The following GALT variants were observed in gnomAD, a reference collection of about 807,000 sequenced individuals.
GALT encodes UDP-glucose--hexose-1-phosphate uridylyltransferase.
A neutral mutation model predicts 55.4 loss-of-function variants in GALT; 42 were observed. The ratio of observed to expected loss-of-function variants is 0.76; its 90% CI spans 0.59 to 0.98. The LOEUF (loss-of-function observed/expected upper bound fraction) is 0.98, where lower values mean the gene tolerates loss of function less well. Ranked by LOEUF, GALT falls within the 50% of genes least tolerant of loss-of-function variation. The pLI is 0.00. For synonymous variants in GALT, 154 were observed against 181.5 expected (o/e 0.85, Z 1.22); for missense variants, 407 against 495.7 (o/e 0.82, Z 1.70).
intron 10 of GALT, 159 bp from the exon 11 acceptor site, chr9:34,650,210 T>G: frequency 1.6e-6 from 1 of 628,708 alleles, no homozygotes; most frequent in South Asian, 1.8e-5. Flanking sequence ...GGCCCAGGAG[T>G]TTGAGGCTGC....
At chr9:34,650,003 G>A (rs748981565) in intron 10 of GALT, 15 of 308,544 alleles carry the variant, frequency 4.9e-5, no homozygotes, top group Admixed American at 1.4e-4. Flanking sequence ...ACCATCGGCC[G>A]GGTGTGGTGG....
rs1271637601 is a variant in GALT at position 34,650,639 on chromosome 9, T to C, written c.*190T>C. On this transcript the variant is annotated 3_prime_UTR_variant, in exon 11 of 11. Transcript: ENST00000378842. ...CCTTCAGAGATCTAGGGTTAAAAGC[T>C]AAAGGCATAGCTCCAGCTACAACTT... 4 of 595,120 alleles carry C rather than the reference T, an allele frequency of 6.7e-6. No individual in the cohort carries two copies. In the East Asian group the frequency reaches 1.1e-4, roughly 17 times the overall value. The allele number at this position is 595,120 out of a possible 1,614,324, so 36.9% of individuals were successfully genotyped here. A position where few individuals can be genotyped will look rare whatever the true frequency, so the allele number is the denominator to read the frequency against.
At position 34,648,370 on chromosome 9, in the gene GALT, C is replaced by T. The variant is rs111033739; in HGVS notation, c.601C>T (p.Arg201Cys). ...CAGTTTCCTGCCAGATATTGCCCAG[C>T]GTGAGGAGCGATCTCAGCAGGCCTA... ...ASSFLPDIAQ[R>C]EERSQQAYKS... The change falls in exon 7 of 11, where the codon CGT becomes TGT. Residue 201 changes from arginine to cysteine, a missense_variant. Coordinates refer to ENST00000378842, the MANE Select transcript of GALT (RefSeq NM_000155.4). This position sits in a 1 kb window ranked among gnomAD's most constrained non-coding sequence, Gnocchi z 4.9. The T allele has an allele frequency of 8.1e-6, 13 of 1,614,168 alleles. No homozygotes were observed. Among genetic ancestry groups the T allele is most frequent in the East Asian group, 4.5e-5 (2 of 44,878 alleles).
At chr9:34,649,128 G>A (rs1436269435) in intron 9 of GALT, 47 bp downstream of exon 9, 3 of 1,563,802 alleles carry the variant, frequency 1.9e-6, no homozygotes, top group Non-Finnish European at 1.8e-6. Flanking sequence ...CCATTTCTGG[G>A]CTCCTGGGGC....
In GALT at chr9:34,647,025, G is replaced by A; in HGVS notation, c.83-64G>A. 6.8e-6 allele frequency: 11 copies of A among 1,611,746 alleles called. No individual in the cohort carries two copies. Among genetic ancestry groups the A allele is most frequent in the Non-Finnish European group, 9.3e-6 (11 of 1,178,672 alleles). Reference sequence around the variant, plus strand: ...GCTCCCGAGCTTGGGCCTGCTGGTGGGTGAGACCCAGGAGAGAGGGAGCTA... The same window carrying A: ...GCTCCCGAGCTTGGGCCTGCTGGTGAGTGAGACCCAGGAGAGAGGGAGCTA... On this transcript the variant is annotated intron_variant, in intron 1 of 10. Transcript: ENST00000378842. The surrounding 1 kb of genome is among the most constrained non-coding windows in gnomAD (Gnocchi z 5.6).
At position 34,647,424 on chromosome 9, in the gene GALT, T is replaced by G. The variant is rs771530512; in HGVS notation, c.253-68T>G. The G allele has an allele frequency of 1.9e-6, 3 of 1,589,392 alleles. No individual in the cohort carries two copies. In the Admixed American group the frequency reaches 5.0e-5, roughly 26 times the overall value. On this transcript the variant is annotated intron_variant, in intron 2 of 10. Coordinates refer to ENST00000378842, the MANE Select transcript of GALT (RefSeq NM_000155.4). The surrounding 1 kb of genome is among the most constrained non-coding windows in gnomAD (Gnocchi z 5.6). ...CCCTACTCCCTTGTAGCCTGTCCAG[T>G]CTTTGAAGCCCACCAGGTAACTGGT...
chr9:34,648,288 G>A lies in GALT; in HGVS notation c.565-46G>A, dbSNP rs750603435. 1.2e-6 allele frequency: 2 copies of A among 1,613,908 alleles called. No homozygotes were observed. The highest frequency in any genetic ancestry group is 3.3e-5 in the Admixed American group (2 of 60,022). Reference sequence around the variant, plus strand: ...AATATGCCAATGATGTGGAGGCTTGGAGGTAAAGGACCTGCCTGTTCTTCT... The same window carrying A: ...AATATGCCAATGATGTGGAGGCTTGAAGGTAAAGGACCTGCCTGTTCTTCT... On this transcript the variant is annotated intron_variant, in intron 6 of 10. Transcript: ENST00000378842. This position sits in a 1 kb window ranked among gnomAD's most constrained non-coding sequence, Gnocchi z 4.9.
In GALT at chr9:34,650,476, CT is replaced by C; in HGVS notation, c.*33del. 1 of 1,609,058 alleles carries C rather than the reference CT, an allele frequency of 6.2e-7. No homozygotes were observed. Among genetic ancestry groups the C allele is most frequent in the Non-Finnish European group, 8.5e-7 (1 of 1,175,694 alleles). On this transcript the variant is annotated 3_prime_UTR_variant, in exon 11 of 11. Transcript: ENST00000378842. The stretch of plus-strand genomic sequence containing the variant: ...CACGCCGACCACAGGGCCTTGAATC[CT>C]TTTTTGTTTTCAACAGTCTTGCTGA...
At position 34,649,021 on chromosome 9, in the gene GALT, C is replaced by G. The variant is rs111033772; in HGVS notation, c.844C>G (p.Leu282Val). ...AGATCTAGCCTCCATCATGAAGAAG[C>G]TCTTGACCAAGTATGACAACCTCTT... ...RDDLASIMKKLLTKYDNLFET... is the reference protein window; with the variant it reads ...RDDLASIMKKVLTKYDNLFET... Residue 282 changes from leucine to valine, a missense_variant, in exon 9 of 11, where the codon CTC becomes GTC. Transcript: ENST00000378842. The G allele has an allele frequency of 2.5e-6, 4 of 1,614,198 alleles. No individual in the cohort carries two copies. Among genetic ancestry groups the G allele is most frequent in the Non-Finnish European group, 3.4e-6 (4 of 1,180,030 alleles).
chr9:34,650,282 CA>C (rs56121779), intron 10 of GALT, 86 bp from the exon 11 acceptor site: 3,136 of 573,456 alleles, frequency 5.5e-3, no homozygotes, highest in Admixed American at 7.2e-3. Flanking sequence ...GACCTCGTCT[CA>C]AAAAAAAAAA....
chr9:34,649,501 C>T lies in GALT; in HGVS notation c.996C>T (p.Val332=). The change falls in exon 10 of 11, where the codon GTC becomes GTT. Residue 332 remains valine (V), a synonymous_variant. Transcript: ENST00000378842. The stretch of plus-strand genomic sequence containing the variant: ...CTCCGCTCCTGCGCTCTGCCACTGT[C>T]CGGAAATTCATGGTTGGCTACGAAA... ...YYPPLLRSAT[V]RKFMVGYEML... 6.2e-7 allele frequency: 1 copy of T among 1,614,184 alleles called. No individual in the cohort carries two copies. Among genetic ancestry groups the T allele is most frequent in the Non-Finnish European group, 8.5e-7 (1 of 1,180,030 alleles).
Position 34,647,207 on chromosome 9 carries a change from C to T in GALT, c.201C>T (p.Arg67=). 1 of 1,614,180 alleles carries T rather than the reference C, an allele frequency of 6.2e-7. No individual in the cohort carries two copies. Among genetic ancestry groups the T allele is most frequent in the Non-Finnish European group, 8.5e-7 (1 of 1,180,028 alleles). ...CCCAGCTTCTGAAGACAGTGCCCCG[C>T]CATGACCCTCTCAACCCTCTGTGTC... ...VEPQLLKTVP[R]HDPLNPLCPG... The change falls in exon 2 of 11, where the codon CGC becomes CGT. Residue 67 remains arginine, a synonymous_variant. Transcript: ENST00000378842. The surrounding 1 kb of genome is among the most constrained non-coding windows in gnomAD (Gnocchi z 5.6).
At position 34,648,012 on chromosome 9, in the gene GALT, C is replaced by T. The variant is rs768496925; in HGVS notation, c.507+51C>T. 6.2e-7 allele frequency: 1 copy of T among 1,614,162 alleles called. No homozygotes were observed. The highest frequency in any genetic ancestry group is 8.5e-7 in the Non-Finnish European group (1 of 1,180,022). ...GATGGGCAGGGAGGGGGTGATGAAG[C>T]TTTGGTTCTGGGGAGTAACATTTCT... On this transcript the variant is annotated intron_variant, in intron 5 of 10. Transcript: ENST00000378842. The surrounding 1 kb of genome is among the most constrained non-coding windows in gnomAD (Gnocchi z 4.9).
intron 9 of GALT, 117 bp from the exon 10 acceptor site, chr9:34,649,293 A>G: frequency 1.4e-6 from 2 of 1,430,918 alleles, no homozygotes; most frequent in East Asian, 2.3e-5. Context: ...GCTCTTCTCA[A>G]GCAGGGGATC....
In GALT at chr9:34,647,227, T is replaced by G. The variant is rs111033663; in HGVS notation, c.221T>G (p.Leu74Arg). The change falls in exon 2 of 11, where the codon CTG becomes CGG. Residue 74 changes from leucine to arginine, a missense_variant. Leu to Arg is a moderately radical substitution (Grantham distance 102, BLOSUM62 -2). Coordinates refer to ENST00000378842, the MANE Select transcript of GALT (RefSeq NM_000155.4). This position sits in a 1 kb window ranked among gnomAD's most constrained non-coding sequence, Gnocchi z 5.6. ...CCCCGCCATGACCCTCTCAACCCTC[T>G]GTGTCCTGGGGCCATCCGAGCCAAC... ...TVPRHDPLNP[L>R]CPGAIRANGE... 1 of 1,614,132 alleles carries G rather than the reference T, an allele frequency of 6.2e-7. No homozygotes were observed. Among genetic ancestry groups the G allele is most frequent in the South Asian group, 1.1e-5 (1 of 91,090 alleles).
Position 34,647,606 on chromosome 9 carries a change from T to A in GALT, c.328+39T>A. The A allele has an allele frequency of 6.2e-7, 1 of 1,614,082 alleles. No individual in the cohort carries two copies. The highest frequency in any genetic ancestry group is 1.1e-5 in the South Asian group (1 of 91,076). ...AACTGCTGCTGGGGAGGAGGGTGGC[T>A]AGACCTCTTGAGGGACTTCTGCTGC... is the stretch of plus-strand genomic sequence containing the variant. On this transcript the variant is annotated intron_variant, in intron 3 of 10. Transcript: ENST00000378842. The surrounding 1 kb of genome is among the most constrained non-coding windows in gnomAD (Gnocchi z 5.6).
chr9:34,649,105 T>C (rs768748399), intron 9 of GALT, 24 bp downstream of exon 9: 1 of 1,604,814 alleles, frequency 6.2e-7, no homozygotes, highest in South Asian at 1.1e-5. Context: ...AGTACCTATA[T>C]TTAGCCCCAA....
Position 34,648,466 on chromosome 9 carries a change from A to G in GALT, c.687+10A>G. ...GGAGCTACTCAGGAAGGTGGGAGAG[A>G]GCCAAGCCCTGTGTCCCCAAGGAGT... is the stretch of plus-strand genomic sequence containing the variant. On this transcript the variant is annotated intron_variant, in intron 7 of 10. Coordinates refer to ENST00000378842, the MANE Select transcript of GALT (RefSeq NM_000155.4). The surrounding 1 kb of genome is among the most constrained non-coding windows in gnomAD (Gnocchi z 4.9). The G allele has an allele frequency of 6.2e-7, 1 of 1,614,136 alleles. No individual in the cohort carries two copies. Among genetic ancestry groups the G allele is most frequent in the Non-Finnish European group, 8.5e-7 (1 of 1,180,022 alleles).
Position 34,650,530 on chromosome 9 carries a change from G to A in GALT, c.*81G>A. On this transcript the variant is annotated 3_prime_UTR_variant, in exon 11 of 11. Transcript: ENST00000378842. ...TAAGCAGAAAGGGCCTTGAATCCTG[G>A]CCTGGAATTTGGGCAGATATAGCAT... is the stretch of plus-strand genomic sequence containing the variant. 3.0e-6 allele frequency: 4 copies of A among 1,338,934 alleles called. No individual in the cohort carries two copies. Among genetic ancestry groups the A allele is most frequent in the Non-Finnish European group, 4.3e-6 (4 of 935,438 alleles). The allele number at this position is 1,338,934 out of a possible 1,614,324, so 82.9% of individuals were successfully genotyped here.
Sources: allele counts gnomAD v4.1 joint callset, GRCh38; gene constraint gnomAD v4.1.1; non-coding constraint Gnocchi (gnomAD v3.1); transcripts MANE v1.5; gene names NCBI Gene and HGNC (gene_info 2026-07-23, HGNC 2026-07-21).